CCDC192: variants seen among roughly 807,000 people sequenced by gnomAD.
CCDC192 encodes the protein coiled-coil domain-containing protein 192.
intron 3 of CCDC192, among the ~76,000 whole-genome samples, chr5:127,755,645 G>A (rs1580603650): frequency 1.6e-5 from 2 of 122,104 alleles, no homozygotes; most frequent in African/African-American, 3.1e-5. Context: ...GAATTACCAA[G>A]AACGTAATGA....
intron 2 of CCDC192, among the ~76,000 whole-genome samples, chr5:127,712,220 TAC>T (rs1216357186): frequency 6.6e-6 from 1 of 152,206 alleles, no homozygotes; most frequent in Non-Finnish European, 1.5e-5. Flanking sequence ...GTATTGGAGG[TAC>T]CAATCTGTTT....
chr5:127,821,970 G>C (rs1749313493), intron 5 of CCDC192, among the ~76,000 whole-genome samples: 1 of 152,186 alleles, frequency 6.6e-6, no homozygotes, highest in South Asian at 2.1e-4. Context: ...ATAAAGGGAA[G>C]ATTTAAAGAA....
intron 2 of CCDC192, among the ~76,000 whole-genome samples, chr5:127,718,791 A>G (rs575352932): frequency 3.3e-5 from 5 of 152,304 alleles, no homozygotes; most frequent in South Asian, 2.1e-4. Context: ...GTGTATATCT[A>G]TGGGGTACAT....
intron 6 of CCDC192, among the ~76,000 whole-genome samples, chr5:127,922,741 C>A: frequency 6.6e-6 from 1 of 152,218 alleles, no homozygotes; most frequent in Non-Finnish European, 1.5e-5. Context: ...GGGTGAAACC[C>A]TGTCTTAAAC....
intron 6 of CCDC192, among the ~76,000 whole-genome samples, chr5:127,894,302 T>A (rs559885757): frequency 6.6e-6 from 1 of 151,076 alleles, no homozygotes; most frequent in East Asian, 1.9e-4. Flanking sequence ...ATGCCATTCT[T>A]CTGCCTCAGC....
chr5:127,926,420 C>T (rs1450470653), intron 6 of CCDC192, among the ~76,000 whole-genome samples: 2 of 152,104 alleles, frequency 1.3e-5, no homozygotes, highest in African/African-American at 2.4e-5. Flanking sequence ...TGGACATGTC[C>T]TTGATAAACT....
chr5:127,800,476 T>C (rs1052976290), intron 5 of CCDC192, among the ~76,000 whole-genome samples: 1 of 151,116 alleles, frequency 6.6e-6, no homozygotes, highest in African/African-American at 2.4e-5. Context: ...GTTATCCATG[T>C]ACAAACAATC....
At chr5:127,843,531 G>A (rs1016310024) in intron 5 of CCDC192, among the ~76,000 whole-genome samples, 10 of 150,408 alleles carry the variant, frequency 6.6e-5, no homozygotes, top group African/African-American at 1.7e-4. Flanking sequence ...TCTACCTCCC[G>A]GGTTCAAGTG....
chr5:127,938,913 G>A (rs1754269281), intron 6 of CCDC192, among the ~76,000 whole-genome samples: 1 of 152,078 alleles, frequency 6.6e-6, no homozygotes, highest in African/African-American at 2.4e-5. Flanking sequence ...CCTCTCCTGG[G>A]CTGGAAAGCA....
intron 5 of CCDC192, among the ~76,000 whole-genome samples, chr5:127,814,922 AT>A (rs1427906894): frequency 2.0e-5 from 3 of 152,146 alleles, no homozygotes; most frequent in East Asian, 3.9e-4. Flanking sequence ...TTTTAAAAAT[AT>A]TTTTTAATTA....
At chr5:127,835,417 A>C (rs1162372377) in intron 5 of CCDC192, among the ~76,000 whole-genome samples, 2 of 152,160 alleles carry the variant, frequency 1.3e-5, no homozygotes, top group Non-Finnish European at 2.9e-5. Context: ...CTGAGGATGC[A>C]CACAGTGTTT....
rs74499986 is a variant in CCDC192, at chr5:127,939,921, A to G, written c.536-1261A>G. Among the ~76,000 whole-genome samples the G allele has an allele frequency of 2.3e-3, 353 of 152,320 alleles. 1 individual carries two copies. The highest frequency in any genetic ancestry group is 8.0e-3 in the African/African-American group (334 of 41,578). On this transcript the variant is annotated intron_variant, in intron 6 of 6. Coordinates refer to ENST00000514853, the MANE Select transcript of CCDC192 (RefSeq NM_001317938.2). ...TTCATTCATACATGCCATAAGCTCC[A>G]TTAGTGCTGAAATGATACCCAAGCC...
chr5:127,771,896 C>T (rs145931627), intron 3 of CCDC192, among the ~76,000 whole-genome samples: 127 of 152,272 alleles, frequency 8.3e-4, no homozygotes, highest in African/African-American at 2.7e-3. Context: ...GGATTCTCCA[C>T]GAGGCCAGAG....
chr5:127,724,618 A>G (rs1366602611), intron 2 of CCDC192, among the ~76,000 whole-genome samples: 1 of 152,170 alleles, frequency 6.6e-6, no homozygotes, highest in Non-Finnish European at 1.5e-5. Flanking sequence ...TCGGAGGCTG[A>G]GGCGGGTGGA....
chr5:127,738,837 T>C (rs1375861044), intron 2 of CCDC192, among the ~76,000 whole-genome samples: 1 of 152,158 alleles, frequency 6.6e-6, no homozygotes, highest in Non-Finnish European at 1.5e-5. Context: ...TTCTTCTAAA[T>C]TTTTTTCAGT....
At chr5:127,914,295 T>C (rs937839960) in intron 6 of CCDC192, among the ~76,000 whole-genome samples, 1 of 152,206 alleles carries the variant, frequency 6.6e-6, no homozygotes, top group Non-Finnish European at 1.5e-5. Flanking sequence ...CTGACCAGTA[T>C]GTCTATAATG....
At chr5:127,751,506 C>A (rs1754170370) in intron 2 of CCDC192, among the ~76,000 whole-genome samples, 1 of 152,162 alleles carries the variant, frequency 6.6e-6, no homozygotes, top group Non-Finnish European at 1.5e-5. Context: ...ATGGGCTTCC[C>A]TTTGAGGGTA....
intron 5 of CCDC192, among the ~76,000 whole-genome samples, chr5:127,842,201 T>A (rs1287194833): frequency 6.6e-6 from 1 of 152,050 alleles, no homozygotes; most frequent in African/African-American, 2.4e-5. Flanking sequence ...ATCTTGAAAT[T>A]CTTTTTTATT....
chr5:127,820,596 T>C (rs1247556528), intron 5 of CCDC192, among the ~76,000 whole-genome samples: 2 of 152,118 alleles, frequency 1.3e-5, no homozygotes, highest in Admixed American at 1.3e-4. Flanking sequence ...AATATATGTA[T>C]CTAAAATAAA....
Sources: gnomAD v4.1 joint callset for allele counts (sites outside exome capture counted in the v4.1 genomes callset) on GRCh38, gnomAD v4.1.1 for gene constraint, MANE v1.5 for transcripts, NCBI Gene and HGNC (gene_info 2026-07-23, HGNC 2026-07-21) for gene names.